The following APP variants were observed in gnomAD, a reference collection of about 807,000 sequenced individuals.
APP encodes amyloid beta precursor protein.
A neutral mutation model predicts 101.4 loss-of-function variants in APP; 31 were observed. The ratio of observed to expected loss-of-function variants is 0.31; its 90% CI spans 0.23 to 0.41. The LOEUF (loss-of-function observed/expected upper bound fraction) is 0.41. Ranked by LOEUF, APP falls within the 10% of genes least tolerant of loss-of-function variation. The probability of loss-of-function intolerance (pLI) is 1.00; values close to 1 mark genes in which losing one functional copy is unlikely to be tolerated. For synonymous variants in APP, 366 were observed against 364.4 expected, an observed-to-expected ratio of 1.00 and a Z score of -0.05; for missense variants, 839 against 1,003.7, an observed-to-expected ratio of 0.84 and a Z score of 2.22.
intron 13 of APP, among the ~76,000 whole-genome samples, chr21:25,931,756 C>T (rs954428615): frequency 6.6e-5 from 10 of 151,930 alleles, no homozygotes; most frequent in Admixed American, 2.0e-4. Context: ...GTTTAATCTA[C>T]GAAAAGAGAA....
chr21:25,992,567 C>G (rs758987668), intron 8 of APP, among the ~76,000 whole-genome samples: 1 of 152,106 alleles, frequency 6.6e-6, no homozygotes. Flanking sequence ...AAGTAGATGG[C>G]CCTTCTTTTT....
At chr21:26,152,984 C>A (rs989579910) in intron 1 of APP, among the ~76,000 whole-genome samples, 1 of 152,170 alleles carries the variant, frequency 6.6e-6, no homozygotes. Context: ...AAAATAATGT[C>A]TTTTGCAACA....
chr21:26,025,335 G>A (rs1190387449), intron 5 of APP, among the ~76,000 whole-genome samples: 2 of 152,106 alleles, frequency 1.3e-5, no homozygotes, highest in African/African-American at 4.8e-5. Context: ...TCAAATCATG[G>A]GCACTAACTA....
At chr21:26,115,229 G>C (rs1456540147) in intron 1 of APP, among the ~76,000 whole-genome samples, 1 of 152,144 alleles carries the variant, frequency 6.6e-6, no homozygotes. Context: ...TGTAAAATTG[G>C]TTGTGTGTAT....
chr21:25,936,219 A>G (rs2040357981), intron 13 of APP, among the ~76,000 whole-genome samples: 2 of 152,098 alleles, frequency 1.3e-5, no homozygotes, highest in South Asian at 4.1e-4. Context: ...AAATGAGGTC[A>G]TGGGGGTGTG....
At chr21:25,941,281 A>G (rs1263236582) in intron 13 of APP, 1 of 152,216 alleles carries the variant, frequency 6.6e-6, no homozygotes, top group African/African-American at 2.4e-5. Flanking sequence ...GATTAATGGG[A>G]AAACCTATCT....
At chr21:25,889,039 A>G (rs539662984) in intron 17 of APP, among the ~76,000 whole-genome samples, 1 of 152,278 alleles carries the variant, frequency 6.6e-6, no homozygotes, top group South Asian at 2.1e-4. Flanking sequence ...ACGCACAGCC[A>G]GGGGAAGGAG....
chr21:25,989,908 A>T, intron 8 of APP, among the ~76,000 whole-genome samples: 1 of 138,344 alleles, frequency 7.2e-6, no homozygotes, highest in Non-Finnish European at 1.5e-5. Flanking sequence ...TATAACTTAA[A>T]AAAAAAGTGT....
At chr21:26,099,447 A>G (rs895131834) in intron 2 of APP, among the ~76,000 whole-genome samples, 1 of 152,232 alleles carries the variant, frequency 6.6e-6, no homozygotes, top group African/African-American at 2.4e-5. Flanking sequence ...CTGAGTTAGT[A>G]ATTACTCCAA....
At chr21:26,046,043 T>C (rs2045594748) in intron 5 of APP, among the ~76,000 whole-genome samples, 1 of 151,692 alleles carries the variant, frequency 6.6e-6, no homozygotes, top group Non-Finnish European at 1.5e-5. Flanking sequence ...AACCATCAGA[T>C]CTCGTGAGAC....
chr21:26,002,516 C>T (rs976468067), intron 6 of APP, among the ~76,000 whole-genome samples: 4 of 152,236 alleles, frequency 2.6e-5, no homozygotes. Context: ...ATTCATGTCA[C>T]ATGCTCTTTA....
Position 26,000,169 on chromosome 21 carries a change from T to C in APP, c.879A>G (p.Glu293=). 3 of 1,614,184 alleles carry C rather than the reference T, an allele frequency of 1.9e-6. No individual in the cohort carries two copies. The highest frequency in any genetic ancestry group is 2.5e-6 in the Non-Finnish European group (3 of 1,180,024). The change falls in exon 7 of 18, where the codon GAA becomes GAG. Residue 293 remains glutamate (E), a synonymous_variant. Coordinates refer to ENST00000346798, the MANE Select transcript of APP (RefSeq NM_000484.4). ...CTCGGCACGGCCCCGTCTCGGCTTG[T>C]TCAGAGCACACCTCTAATCAGAGGA... ...VEEVVREVCS[E]QAETGPCRAM...
At chr21:26,085,172 G>A (rs779943632) in intron 3 of APP, among the ~76,000 whole-genome samples, 7 of 152,100 alleles carry the variant, frequency 4.6e-5, no homozygotes, top group Non-Finnish European at 8.8e-5. Flanking sequence ...CATGATTAAC[G>A]TTGACCATTC....
At chr21:26,105,519 T>TG (rs2062162425) in intron 2 of APP, among the ~76,000 whole-genome samples, 1 of 148,980 alleles carries the variant, frequency 6.7e-6, no homozygotes, top group Non-Finnish European at 1.5e-5. Context: ...AATAAAAACA[T>TG]GAAGTTAAAA....
intron 5 of APP, among the ~76,000 whole-genome samples, chr21:26,022,345 T>C (rs1266855125): frequency 2.0e-5 from 3 of 150,882 alleles, no homozygotes; most frequent in African/African-American, 7.3e-5. Flanking sequence ...TCAGGGGGAG[T>C]GGGGAAGGGA....
intron 5 of APP, among the ~76,000 whole-genome samples, chr21:26,024,592 T>C (rs779616354): frequency 6.6e-6 from 1 of 152,102 alleles, no homozygotes; most frequent in Non-Finnish European, 1.5e-5. Context: ...CCGCCATAAG[T>C]AGTTTTGCTG....
At position 26,000,030 on chromosome 21, in the gene APP, C is replaced by A. The variant is rs768499633; in HGVS notation, c.1018G>T (p.Val340Leu). The A allele has an allele frequency of 6.2e-7, 1 of 1,614,060 alleles. No individual in the cohort carries two copies. Among genetic ancestry groups the A allele is most frequent in the Non-Finnish European group, 8.5e-7 (1 of 1,179,984 alleles). The change falls in exon 7 of 18, where the codon GTG (valine) becomes TTG (leucine). Residue 340 changes from valine (V) to leucine (L), a missense_variant. Val to Leu is a conservative substitution (Grantham distance 32). Coordinates refer to ENST00000346798, the MANE Select transcript of APP (RefSeq NM_000484.4). ...GTCCACTTACTGGCGCTGCCACACACGGCCATGCAGTACTCTTCTGTGTCA... is the reference window on the plus strand; with the variant it reads ...GTCCACTTACTGGCGCTGCCACACAAGGCCATGCAGTACTCTTCTGTGTCA... ...NFDTEEYCMA[V>L]CGSAMSQSLL... is the part of the protein sequence containing the mutation.
At chr21:25,934,215 C>G (rs1159654484) in intron 13 of APP, 1 of 152,206 alleles carries the variant, frequency 6.6e-6, no homozygotes, top group African/African-American at 2.4e-5. Context: ...TCCCCTAGAG[C>G]TGTAAGAGGC....
intron 11 of APP, among the ~76,000 whole-genome samples, chr21:25,973,114 C>T (rs1049514452): frequency 4.7e-5 from 7 of 149,090 alleles, no homozygotes; most frequent in Non-Finnish European, 1.0e-4. Context: ...TTGTAACTTA[C>T]AAACCAACAA....
Sources: gnomAD v4.1 joint callset for allele counts (sites outside exome capture counted in the v4.1 genomes callset) on GRCh38, gnomAD v4.1.1 for gene constraint, MANE v1.5 for transcripts, NCBI Gene and HGNC (gene_info 2026-07-23, HGNC 2026-07-21) for gene names.